Variants in IP6K1 observed in about 807,000 individuals in gnomAD.
The protein encoded by IP6K1 is inositol hexakisphosphate kinase 1.
Under a neutral mutation model 38.3 loss-of-function variants are expected in IP6K1, and 13 were observed. The observed-to-expected ratio is 0.34, with a 90% CI of 0.22 to 0.54. The LOEUF is 0.54. IP6K1 is among the 20% of genes least tolerant of loss of function. IP6K1 has a pLI of 0.92. For missense variants in IP6K1, 397 were observed against 599.8 expected, an observed-to-expected ratio of 0.66 and a Z score of 3.53; for synonymous variants, 212 against 229.9, an observed-to-expected ratio of 0.92 and a Z score of 0.70.
chr3:49,780,625 C>A (rs561527262), intron 1 of IP6K1, among the ~76,000 whole-genome samples: 1 of 152,234 alleles, frequency 6.6e-6, no homozygotes, highest in East Asian at 1.9e-4. Context: ...GATCAAGCCA[C>A]AACAAAGAAA....
intron 1 of IP6K1, among the ~76,000 whole-genome samples, chr3:49,785,148 T>C (rs2081100364): frequency 6.6e-6 from 1 of 152,168 alleles, no homozygotes; most frequent in Non-Finnish European, 1.5e-5. Context: ...ATCTCCAACT[T>C]GCCCAAATTC....
At chr3:49,780,432 A>C (rs2081055650) in intron 1 of IP6K1, among the ~76,000 whole-genome samples, 1 of 152,142 alleles carries the variant, frequency 6.6e-6, no homozygotes, top group African/African-American at 2.4e-5. Flanking sequence ...GTGCAAAAGC[A>C]CAGATCCAGA....
chr3:49,742,042 G>A (rs1216095501), intron 2 of IP6K1, among the ~76,000 whole-genome samples: 1 of 152,004 alleles, frequency 6.6e-6, no homozygotes, highest in Admixed American at 6.6e-5. Flanking sequence ...CTGTACCACT[G>A]CACTCCAGCC....
intron 2 of IP6K1, 49 bp from the exon 3 acceptor site, chr3:49,738,471 C>A: frequency 7.0e-7 from 1 of 1,435,768 alleles, no homozygotes. Context: ...CAGGCCGAGT[C>A]TATGCAGCAC....
intron 1 of IP6K1, among the ~76,000 whole-genome samples, chr3:49,763,089 C>T (rs2080880674): frequency 6.6e-6 from 1 of 151,370 alleles, no homozygotes; most frequent in African/African-American, 2.4e-5. Context: ...CATGCCTGGC[C>T]AAGGTCAATT....
chr3:49,736,763 GGATTT>G (rs2080615587), intron 3 of IP6K1, among the ~76,000 whole-genome samples: 3 of 132,954 alleles, frequency 2.3e-5, no homozygotes, highest in Admixed American at 9.4e-5. Flanking sequence ...TTTAACTTTT[GGATTT>G]AATTTTTTTT....
rs555948827 is a variant in IP6K1, at chr3:49,733,350, G to C, written c.435-378C>G. Among the ~76,000 whole-genome samples the C allele has an allele frequency of 6.6e-5, 10 of 152,290 alleles. No individual in the cohort carries two copies. The South Asian group carries it at 2.1e-3, about 32-fold the overall frequency. On this transcript the variant is annotated intron_variant, in intron 3 of 5. Coordinates refer to ENST00000321599, the MANE Select transcript of IP6K1 (RefSeq NM_153273.4). ...TGTAAAATGATGCAGCCACCAAACA[G>C]TTTGGTGGTTTCTCAAAAAGTTAAA...
intron 1 of IP6K1, among the ~76,000 whole-genome samples, chr3:49,772,858 C>A (rs2080971915): frequency 6.7e-6 from 1 of 150,246 alleles, no homozygotes; most frequent in Non-Finnish European, 1.5e-5. Flanking sequence ...CAGAGTCTCA[C>A]TCTCACCCAG....
At chr3:49,775,037 G>A (rs2080994670) in intron 1 of IP6K1, among the ~76,000 whole-genome samples, 1 of 152,020 alleles carries the variant, frequency 6.6e-6, no homozygotes, top group South Asian at 2.1e-4. Context: ...ATAAATAACT[G>A]ATTCATTAAC....
intron 1 of IP6K1, among the ~76,000 whole-genome samples, chr3:49,766,230 T>A (rs1047405050): frequency 6.6e-6 from 1 of 152,006 alleles, no homozygotes; most frequent in African/African-American, 2.4e-5. Flanking sequence ...CTGGGTGTGG[T>A]GGCAGATGCC....
At position 49,727,275 on chromosome 3, in the gene IP6K1, G is replaced by C. The variant is rs1290824764; in HGVS notation, c.1173C>G (p.Pro391=). Reference sequence around the variant, plus strand: ...AGTCAATCATGCGGACATCCACCTTGGGCTGAGAGGAGGGACCCGCCTCGG... The same window carrying C: ...AGTCAATCATGCGGACATCCACCTTCGGCTGAGAGGAGGGACCCGCCTCGG... The part of the protein sequence containing the change: ...TSPEAGPSSQ[P]KVDVRMIDFA... The change falls in exon 6 of 6, where the codon CCC becomes CCG. Residue 391 remains proline, a synonymous_variant. Transcript: ENST00000321599. The surrounding 1 kb of genome is among the most constrained non-coding windows in gnomAD (Gnocchi z 5.9). 6.2e-7 allele frequency: 1 copy of C among 1,614,016 alleles called. No individual in the cohort carries two copies. Among genetic ancestry groups the C allele is most frequent in the Non-Finnish European group, 8.5e-7 (1 of 1,180,030 alleles).
At chr3:49,747,660 G>A (rs761182462) in intron 2 of IP6K1, among the ~76,000 whole-genome samples, 158 bp downstream of exon 2, 8 of 152,156 alleles carry the variant, frequency 5.3e-5, no homozygotes, top group Non-Finnish European at 7.3e-5. Flanking sequence ...AGACCTTGCT[G>A]ATGCTTTCAG....
At chr3:49,754,537 G>T (rs746197759) in intron 1 of IP6K1, among the ~76,000 whole-genome samples, 9 of 152,152 alleles carry the variant, frequency 5.9e-5, no homozygotes, top group Non-Finnish European at 8.8e-5. Context: ...AATAATGATA[G>T]TAAGGAGAAG....
intron 1 of IP6K1, among the ~76,000 whole-genome samples, chr3:49,761,392 C>T (rs1350674513): frequency 2.6e-5 from 4 of 151,670 alleles, no homozygotes; most frequent in Non-Finnish European, 5.9e-5. Flanking sequence ...TTTGGGAGGC[C>T]GAGGCGGGCG....
chr3:49,784,644 C>CCG (rs2081095351), intron 1 of IP6K1, among the ~76,000 whole-genome samples: 1 of 116,154 alleles, frequency 8.6e-6, no homozygotes, highest in South Asian at 2.8e-4. Context: ...GACTTCGTCT[C>CCG]AGAAAAAAAA....
Position 49,758,314 on chromosome 3 carries a change from C to CAAAAAAAA in IP6K1, c.-128-10154_-128-10147dup, listed in dbSNP as rs11359274. 3.6e-3 allele frequency among the ~76,000 whole-genome samples: 197 copies of CAAAAAAAA among 54,400 alleles called. 2 individuals are homozygous for CAAAAAAAA. Among genetic ancestry groups the CAAAAAAAA allele is most frequent in the African/African-American group, 0.014 (187 of 13,138 alleles). The allele number at this position is 54,400 out of a possible 152,430, so 35.7% of individuals were successfully genotyped here. A position where few individuals can be genotyped will look rare whatever the true frequency, so the allele number is the denominator to read the frequency against. The stretch of plus-strand genomic sequence containing the variant: ...GGGGTGACAGAACAAGACTCCATCT[C>CAAAAAAAA]AAAAAAAAAAAAAAAAAAAAAAGGT... On this transcript the variant is annotated intron_variant, in intron 1 of 5. Transcript: ENST00000321599.
Position 49,730,554 on chromosome 3 carries a change from T to C in IP6K1, c.616+2237A>G, listed in dbSNP as rs1011255829. Among the ~76,000 whole-genome samples the C allele has an allele frequency of 5.3e-5, 8 of 152,222 alleles. No homozygotes were observed. The South Asian group carries it at 8.3e-4, about 16-fold the overall frequency. On this transcript the variant is annotated intron_variant, in intron 4 of 5. Coordinates refer to ENST00000321599, the MANE Select transcript of IP6K1 (RefSeq NM_153273.4). ...GAAAAAGCTGGATTTACATTTCTTT[T>C]CTTTTTTTTTAGGATGCAGTCTTGC...
intron 1 of IP6K1, among the ~76,000 whole-genome samples, chr3:49,775,772 G>C (rs774984293): frequency 6.6e-6 from 1 of 152,056 alleles, no homozygotes; most frequent in Non-Finnish European, 1.5e-5. Flanking sequence ...CCTTCACCCA[G>C]ACATGTGGTA....
intron 1 of IP6K1, among the ~76,000 whole-genome samples, chr3:49,753,124 C>T (rs2080792945): frequency 1.3e-5 from 2 of 152,236 alleles, no homozygotes; most frequent in African/African-American, 4.8e-5. Flanking sequence ...TGCATTCCTT[C>T]CCACCCCCAT....
Sources: allele counts gnomAD v4.1 joint callset (sites outside exome capture counted in the v4.1 genomes callset), GRCh38; gene constraint gnomAD v4.1.1; non-coding constraint Gnocchi (gnomAD v3.1); transcripts MANE v1.5; gene names NCBI Gene and HGNC (gene_info 2026-07-23, HGNC 2026-07-21).